Variants in IL24 observed in about 807,000 individuals in gnomAD.
IL24 encodes the protein interleukin-24.
A neutral mutation model predicts 27.6 loss-of-function variants in IL24; 24 were observed. The observed-to-expected ratio is 0.87, with a 90% CI of 0.63 to 1.22. The LOEUF (loss-of-function observed/expected upper bound fraction) is 1.22, where lower values mean the gene tolerates loss of function less well. Ranked by LOEUF, IL24 falls within the 50% of genes most tolerant of loss-of-function variation. IL24 has a pLI of 0.00. For missense variants in IL24, 240 were observed against 237.0 expected (o/e 1.01, Z -0.08); for synonymous variants, 99 against 93.1 (o/e 1.06, Z -0.36).
chr1:206,902,967 TC>T lies in IL24; in HGVS notation c.538-6del. ...ACATGGCTGACCTTCAACCCTCTTT[TC>T]CCTTTAGTTGGACGTAGAAGCAGCT... On this transcript the variant is annotated splice_polypyrimidine_tract_variant and splice_region_variant and intron_variant, in intron 6 of 6. Coordinates refer to ENST00000294984, the MANE Select transcript of IL24 (RefSeq NM_006850.3). 1 of 1,614,166 alleles carries T rather than the reference TC, an allele frequency of 6.2e-7. No homozygotes were observed. The highest frequency in any genetic ancestry group is 8.5e-7 in the Non-Finnish European group (1 of 1,180,012).
chr1:206,902,209 A>C, intron 6 of IL24, 137 bp downstream of exon 6: 1 of 1,419,496 alleles, frequency 7.0e-7, no homozygotes, highest in African/African-American at 1.4e-5. Flanking sequence ...CCCCTGACTT[A>C]GCAGGAGCAC....
chr1:206,898,906 T>C (rs1396334748), intron 2 of IL24, among the ~76,000 whole-genome samples: 1 of 152,180 alleles, frequency 6.6e-6, no homozygotes, highest in East Asian at 1.9e-4. Flanking sequence ...AGAACTTGGA[T>C]AAGCACATGT....
Position 206,902,083 on chromosome 1 carries a change from G to A in IL24, c.537+11G>A. 6.2e-7 allele frequency: 1 copy of A among 1,613,944 alleles called. No homozygotes were observed. Among genetic ancestry groups the A allele is most frequent in the Non-Finnish European group, 8.5e-7 (1 of 1,179,998 alleles). ...AGAGCATTCAAACAGGTAAGGCCAA[G>A]AGCTGAGAGCTTGCCCATCCAGCAG... is the stretch of plus-strand genomic sequence containing the variant. On this transcript the variant is annotated intron_variant, in intron 6 of 6. Coordinates refer to ENST00000294984, the MANE Select transcript of IL24 (RefSeq NM_006850.3).
At chr1:206,898,978 C>T (rs912876814) in intron 2 of IL24, among the ~76,000 whole-genome samples, 20 of 152,188 alleles carry the variant, frequency 1.3e-4, no homozygotes, top group Admixed American at 5.9e-4. Context: ...TAGAACCTCC[C>T]ATTTCTCCAC....
At chr1:206,900,681 A>T (rs1293390026) in intron 4 of IL24, among the ~76,000 whole-genome samples, 2 of 151,668 alleles carry the variant, frequency 1.3e-5, no homozygotes, top group African/African-American at 4.8e-5. Context: ...TTCCATTTTC[A>T]TCCTTTTCTC....
In IL24 at chr1:206,897,769, A is replaced by G. The variant is rs1461840975; in HGVS notation, c.-64A>G. The G allele has an allele frequency of 1.9e-6, 3 of 1,598,802 alleles. No individual in the cohort carries two copies. The highest frequency in any genetic ancestry group is 2.6e-6 in the Non-Finnish European group (3 of 1,168,314). Reference sequence around the variant, plus strand: ...CTGTGATGAGGAGCTGCTTTCGCCAATTTAACACCAAGAAGAATTGAGGCT... The same window carrying G: ...CTGTGATGAGGAGCTGCTTTCGCCAGTTTAACACCAAGAAGAATTGAGGCT... On this transcript the variant is annotated 5_prime_UTR_variant, in exon 2 of 7. Transcript: ENST00000294984.
Position 206,900,129 on chromosome 1 carries a change from G to A in IL24, c.241-166G>A, listed in dbSNP as rs3093426. ...CTGCAACCTTGTCTCCCCTCCCCAT[G>A]GGCCAGCTCAGCCCAGTCCTTCCTG... On this transcript the variant is annotated intron_variant, in intron 3 of 6. Transcript: ENST00000294984. Among the ~76,000 whole-genome samples, 10,566 of 152,160 alleles carry A rather than the reference G, an allele frequency of 0.069. 1,253 individuals are homozygous for A. The highest frequency in any genetic ancestry group is 0.24 in the African/African-American group (9,990 of 41,444).
At chr1:206,902,825 A>C in intron 6 of IL24, 151 bp from the exon 7 acceptor site, 1 of 1,533,788 alleles carries the variant, frequency 6.5e-7, no homozygotes, top group Admixed American at 1.9e-5. Context: ...GATGGAGGAA[A>C]AGTGACAGGC....
At chr1:206,901,778 G>A (rs1166983677) in intron 5 of IL24, 126 bp downstream of exon 5, 1 of 889,094 alleles carries the variant, frequency 1.1e-6, no homozygotes, top group Non-Finnish European at 1.7e-6. Flanking sequence ...CTGTAAAATG[G>A]GGATGATCAC....
intron 4 of IL24, among the ~76,000 whole-genome samples, chr1:206,900,559 G>A (rs1257357082): frequency 2.6e-5 from 4 of 152,232 alleles, no homozygotes; most frequent in Admixed American, 2.6e-4. Flanking sequence ...GGTACTGGGA[G>A]ATGGGGAAGG....
intron 6 of IL24, chr1:206,902,399 C>T (rs1678426746): frequency 1.8e-5 from 3 of 166,810 alleles, no homozygotes; most frequent in Non-Finnish European, 3.1e-5. Context: ...AGACACCCCA[C>T]CCCCACCCCC....
intron 6 of IL24, chr1:206,902,644 A>T (rs746713493): frequency 7.1e-6 from 7 of 985,224 alleles, no homozygotes; most frequent in Non-Finnish European, 8.4e-6. Context: ...GAGAGGGGCC[A>T]CCTGGGCTCA....
rs1223547939 is a variant in IL24, at chr1:206,903,389, T to C, written c.*330T>C. 3 of 244,688 alleles carry C rather than the reference T, an allele frequency of 1.2e-5. No individual in the cohort carries two copies. The highest frequency in any genetic ancestry group is 2.4e-5 in the Non-Finnish European group (3 of 123,542). 15.2% of individuals were successfully genotyped at this position (244,688 alleles called of 1,614,324 possible). A position where few individuals can be genotyped will look rare whatever the true frequency, so the allele number is the denominator to read the frequency against. ...GCAGCAGAATATTGTGCCCCATGCT[T>C]CTTTACCCCTCACAATCCTTGCCAC... On this transcript the variant is annotated 3_prime_UTR_variant, in exon 7 of 7. Coordinates refer to ENST00000294984, the MANE Select transcript of IL24 (RefSeq NM_006850.3).
Position 206,899,474 on chromosome 1 carries a change from C to T in IL24, c.199C>T (p.Gln67Ter), listed in dbSNP as rs370871483. The T allele has an allele frequency of 4.2e-5, 68 of 1,612,656 alleles. No individual in the cohort carries two copies. Among genetic ancestry groups the T allele is most frequent in the Non-Finnish European group, 5.4e-5 (64 of 1,179,290 alleles). Residue 67 changes from glutamine to a stop codon, truncating the protein, a stop_gained, in exon 3 of 7, where the codon CAG becomes TAG. Transcript: ENST00000294984. LOFTEE classifies it high-confidence loss of function. ...GPCQVKGVVP[Q>*]KLWEAFWAVK... ...CTGCCAAGTGAAGGGGGTTGTTCCCCAGAAACTGTGGGAAGCCTTCTGGGC... is the reference window on the plus strand; with the variant it reads ...CTGCCAAGTGAAGGGGGTTGTTCCCTAGAAACTGTGGGAAGCCTTCTGGGC...
intron 6 of IL24, 63 bp downstream of exon 6, chr1:206,902,135 A>T: frequency 6.3e-7 from 1 of 1,599,470 alleles, no homozygotes; most frequent in Non-Finnish European, 8.5e-7. Context: ...CCATCACACG[A>T]GGGCGCCTCA....
At chr1:206,899,993 C>T (rs1232312005) in intron 3 of IL24, among the ~76,000 whole-genome samples, 1 of 152,180 alleles carries the variant, frequency 6.6e-6, no homozygotes, top group Non-Finnish European at 1.5e-5. Context: ...TCTCAAATGA[C>T]CAGAGGCATC....
In IL24 at chr1:206,903,829, ATGACATTCCCTGC is replaced by A. The variant is rs1289350298; in HGVS notation, c.*772_*784del. The A allele has an allele frequency of 6.6e-6, 1 of 152,134 alleles. No homozygotes were observed. Among genetic ancestry groups the A allele is most frequent in the African/African-American group, 2.4e-5 (1 of 41,354 alleles). The allele number at this position is 152,134 out of a possible 1,614,324, so 9.4% of individuals were successfully genotyped here. On this transcript the variant is annotated 3_prime_UTR_variant, in exon 7 of 7. Transcript: ENST00000294984. Reference sequence around the variant, plus strand: ...ACCTGGATGTACTATCCAATCTGTGATGACATTCCCTGCTAATAAAAGACAACATAACTCAAGT... The same window carrying A: ...ACCTGGATGTACTATCCAATCTGTGATAATAAAAGACAACATAACTCAAGT...
At chr1:206,901,929 A>G in intron 5 of IL24, 69 bp from the exon 6 acceptor site, 1 of 1,503,684 alleles carries the variant, frequency 6.7e-7, no homozygotes, top group Non-Finnish European at 9.2e-7. Context: ...ATCAGCAGGA[A>G]AACTGAGAGG....
At position 206,897,588 on chromosome 1, in the gene IL24, C is replaced by T. The variant is rs964509513; in HGVS notation, c.-130C>T. 11 of 330,898 alleles carry T rather than the reference C, an allele frequency of 3.3e-5. No homozygotes were observed. Among genetic ancestry groups the T allele is most frequent in the African/African-American group, 2.2e-4 (10 of 46,210 alleles). The allele number at this position is 330,898 out of a possible 1,614,324, so 20.5% of individuals were successfully genotyped here. ...GAACCAGCTGCCTCCAGGCAGCCAG[C>T]CCTCAAGCATCACTTACAGGACCAG... On this transcript the variant is annotated 5_prime_UTR_variant, in exon 1 of 7. Transcript: ENST00000294984.
Sources: gnomAD v4.1 joint callset for allele counts (sites outside exome capture counted in the v4.1 genomes callset) on GRCh38, gnomAD v4.1.1 for gene constraint, MANE v1.5 for transcripts, NCBI Gene and HGNC (gene_info 2026-07-23, HGNC 2026-07-21) for gene names.